The following CCDC148 variants were observed in gnomAD, a reference collection of about 807,000 sequenced individuals.
CCDC148 encodes the protein coiled-coil domain containing 148, also known as coiled-coil domain-containing protein 148.
CCDC148 carries 89 observed loss-of-function variants against 85.7 expected under a neutral mutation model. The ratio of observed to expected loss-of-function variants is 1.04; its 90% CI spans 0.87 to 1.24. The LOEUF is 1.24. Among genes scored for constraint, CCDC148 ranks in the 50% most tolerant of loss-of-function variants. CCDC148 has a pLI of 0.00. For missense variants in CCDC148, 692 were observed against 671.7 expected (o/e 1.03, Z -0.33); for synonymous variants, 230 against 213.9 (o/e 1.08, Z -0.66).
At chr2:158,397,554 A>C (rs575385921) in intron 1 of CCDC148, among the ~76,000 whole-genome samples, 1 of 152,310 alleles carries the variant, frequency 6.6e-6, no homozygotes, top group South Asian at 2.1e-4. Flanking sequence ...GGAGAAATAA[A>C]ATCCTTTATA....
At chr2:158,409,544 C>T (rs1237947587) in intron 1 of CCDC148, among the ~76,000 whole-genome samples, 1 of 152,130 alleles carries the variant, frequency 6.6e-6, no homozygotes, top group South Asian at 2.1e-4. Context: ...CTGTATTTAT[C>T]CAATGCTTGT....
At chr2:158,211,187 T>TA (rs144016017) in intron 11 of CCDC148, among the ~76,000 whole-genome samples, 6,090 of 150,162 alleles carry the variant, frequency 0.041, 375 homozygotes, top group African/African-American at 0.14. Context: ...AGTATAATAA[T>TA]AAAAAAAAAG....
rs1404252445 is a variant in CCDC148 at position 158,171,188 on chromosome 2, C to A, written c.*925G>T. On this transcript the variant is annotated 3_prime_UTR_variant, in exon 14 of 14. Coordinates refer to ENST00000283233, the MANE Select transcript of CCDC148 (RefSeq NM_138803.4). ...GTTGGATTGGGCTTTTTTTTTTTTACATTATTCCAGTAATTGCACAGAGGC... is the reference window on the plus strand; with the variant it reads ...GTTGGATTGGGCTTTTTTTTTTTTAAATTATTCCAGTAATTGCACAGAGGC... 6.8e-6 allele frequency: 1 copy of A among 147,788 alleles called. No individual in the cohort carries two copies. Among genetic ancestry groups the A allele is most frequent in the Admixed American group, 6.7e-5 (1 of 14,942 alleles). 9.2% of individuals were successfully genotyped at this position (147,788 alleles called of 1,614,324 possible).
At chr2:158,425,944 C>T (rs1348710748) in intron 1 of CCDC148, among the ~76,000 whole-genome samples, 1 of 152,046 alleles carries the variant, frequency 6.6e-6, no homozygotes, top group Non-Finnish European at 1.5e-5. Context: ...ACTCCTTTTG[C>T]TTTGTTCTTG....
At chr2:158,425,955 T>C (rs1404299298) in intron 1 of CCDC148, among the ~76,000 whole-genome samples, 1 of 152,156 alleles carries the variant, frequency 6.6e-6, no homozygotes, top group Non-Finnish European at 1.5e-5. Context: ...TTTGTTCTTG[T>C]CTCTGGAAAG....
chr2:158,456,413 AC>A lies in CCDC148; in HGVS notation c.25+1del. Reference sequence around the variant, plus strand: ...GATGGAAGGGATGGGGTGCAAACTCACCTGGAGAAGCAGAAGCTGCACACAT... The same window carrying A: ...GATGGAAGGGATGGGGTGCAAACTCACTGGAGAAGCAGAAGCTGCACACAT... On this transcript the variant is annotated splice_donor_variant, in intron 1 of 13. Coordinates refer to ENST00000283233, the MANE Select transcript of CCDC148 (RefSeq NM_138803.4). LOFTEE classifies it high-confidence loss of function. 1 of 1,611,598 alleles carries A rather than the reference AC, an allele frequency of 6.2e-7. No individual in the cohort carries two copies. The highest frequency in any genetic ancestry group is 1.1e-5 in the South Asian group (1 of 90,264).
At chr2:158,201,987 A>G (rs920578274) in intron 11 of CCDC148, among the ~76,000 whole-genome samples, 1 of 152,204 alleles carries the variant, frequency 6.6e-6, no homozygotes, top group Admixed American at 6.5e-5. Flanking sequence ...ATGGCATAAC[A>G]AAGTGTGTGT....
intron 12 of CCDC148, among the ~76,000 whole-genome samples, chr2:158,177,004 A>G (rs1434911362): frequency 1.3e-5 from 2 of 152,138 alleles, no homozygotes; most frequent in African/African-American, 4.8e-5. Context: ...CCAACTTGAA[A>G]GTCACAGAAA....
chr2:158,184,706 T>C (rs1224075467), intron 11 of CCDC148, among the ~76,000 whole-genome samples: 1 of 152,112 alleles, frequency 6.6e-6, no homozygotes, highest in Non-Finnish European at 1.5e-5. Context: ...CCAAGTACTG[T>C]ATTTTGTTGA....
chr2:158,198,264 C>A (rs563438096), intron 11 of CCDC148, among the ~76,000 whole-genome samples: 6 of 152,280 alleles, frequency 3.9e-5, no homozygotes, highest in Admixed American at 1.3e-4. Flanking sequence ...CCCAGGATAT[C>A]TGAATATCTC....
chr2:158,197,675 G>T (rs1051117996), intron 11 of CCDC148, among the ~76,000 whole-genome samples: 1 of 151,992 alleles, frequency 6.6e-6, no homozygotes, highest in Non-Finnish European at 1.5e-5. Flanking sequence ...ATCTCATTTT[G>T]AACCAATTTA....
rs187981698 is a variant in CCDC148, at chr2:158,340,921, A to G, written c.252-241T>C. 5.2e-4 allele frequency among the ~76,000 whole-genome samples: 79 copies of G among 152,270 alleles called. 1 individual carries two copies. Among genetic ancestry groups the G allele is most frequent in the African/African-American group, 1.8e-3 (73 of 41,556 alleles). On this transcript the variant is annotated intron_variant, in intron 3 of 13. Coordinates refer to ENST00000283233, the MANE Select transcript of CCDC148 (RefSeq NM_138803.4). ...GCAGGTCCTGGCATTGCATGTGGAG[A>G]GGACCCAGAGCATTGGGAAGCACTG...
At chr2:158,446,734 A>T (rs2105347125) in intron 1 of CCDC148, among the ~76,000 whole-genome samples, 1 of 152,318 alleles carries the variant, frequency 6.6e-6, no homozygotes, top group East Asian at 1.9e-4. Flanking sequence ...GGACATTAAC[A>T]TCACCAGAAA....
intron 10 of CCDC148, among the ~76,000 whole-genome samples, chr2:158,227,429 C>T (rs1687605736): frequency 6.6e-6 from 1 of 152,088 alleles, no homozygotes. Flanking sequence ...CTACCAATGA[C>T]TTTCTTCACA....
intron 2 of CCDC148, among the ~76,000 whole-genome samples, chr2:158,356,604 G>A (rs1250017538): frequency 6.7e-6 from 1 of 149,986 alleles, no homozygotes; most frequent in Non-Finnish European, 1.5e-5. Flanking sequence ...AGGATGTGGA[G>A]AAATAGGAAC....
chr2:158,179,307 C>G (rs540330323), intron 11 of CCDC148, among the ~76,000 whole-genome samples: 2 of 150,700 alleles, frequency 1.3e-5, no homozygotes, highest in Admixed American at 6.7e-5. Context: ...TACAGGTACC[C>G]GCCACCATGC....
At chr2:158,305,566 C>T (rs1289781171) in intron 9 of CCDC148, among the ~76,000 whole-genome samples, 1 of 151,874 alleles carries the variant, frequency 6.6e-6, no homozygotes, top group Non-Finnish European at 1.5e-5. Context: ...GGCAACATAG[C>T]AAGACCCTGT....
At chr2:158,231,811 G>A (rs985468907) in intron 10 of CCDC148, among the ~76,000 whole-genome samples, 4 of 152,046 alleles carry the variant, frequency 2.6e-5, no homozygotes, top group South Asian at 4.1e-4. Flanking sequence ...CATGGGAACC[G>A]GGCCAACAGT....
At chr2:158,188,312 A>C (rs1468466985) in intron 11 of CCDC148, among the ~76,000 whole-genome samples, 1 of 152,070 alleles carries the variant, frequency 6.6e-6, no homozygotes, top group African/African-American at 2.4e-5. Context: ...TCCTGGGGCC[A>C]AGAAAATCAT....
Sources: gnomAD v4.1 joint callset for allele counts (sites outside exome capture counted in the v4.1 genomes callset) on GRCh38, gnomAD v4.1.1 for gene constraint, MANE v1.5 for transcripts, NCBI Gene and HGNC (gene_info 2026-07-23, HGNC 2026-07-21) for gene names.